Variants in POLRMT observed in about 807,000 individuals in gnomAD.
The protein encoded by POLRMT is DNA-directed RNA polymerase, mitochondrial.
POLRMT carries 114 observed loss-of-function variants against 132.2 expected under a neutral mutation model. The observed-to-expected ratio is 0.86, with a 90% CI of 0.74 to 1.01. The LOEUF (loss-of-function observed/expected upper bound fraction) is 1.01. Among genes scored for constraint, POLRMT ranks in the 50% least tolerant of loss-of-function variants. POLRMT has a pLI of 0.00. For synonymous variants in POLRMT, 1,020 were observed against 773.4 expected (o/e 1.32, Z -5.29); for missense variants, 2,003 against 1,729.1 (o/e 1.16, Z -2.81).
intron 10 of POLRMT, among the ~76,000 whole-genome samples, chr19:620,786 A>C (rs150542741): frequency 0.26 from 6,890 of 26,398 alleles, 403 homozygotes; most frequent in Non-Finnish European, 0.33. Context: ...GATGCAGGGG[A>C]GGGGGGAACG....
Position 630,007 on chromosome 19 carries a change from A to G in POLRMT, c.355T>C (p.Cys119Arg), listed in dbSNP as rs371768191. The G allele has an allele frequency of 6.2e-7, 1 of 1,613,780 alleles. No individual in the cohort carries two copies. The highest frequency in any genetic ancestry group is 8.5e-7 in the Non-Finnish European group (1 of 1,180,004). ...TCCAGTATCTTTGCCCAGCGGCCAC[A>G]GGGCACCGGGGTGGCATCCTTGGCC... is the stretch of plus-strand genomic sequence containing the variant. ...MGAKDATPVP[C>R]GRWAKILEKD... Residue 119 changes from cysteine (C) to arginine (R), a missense_variant, in exon 3 of 21, where the codon TGT becomes CGT. By Grantham distance (180) the Cys-to-Arg change is radical. Transcript: ENST00000588649.
At chr19:622,401 G>C (rs1164124265) in intron 8 of POLRMT, 28 bp from the exon 9 acceptor site, 1 of 1,521,558 alleles carries the variant, frequency 6.6e-7, no homozygotes, top group East Asian at 2.5e-5. Context: ...CAGGGCGCTG[G>C]GCACCGGGGC....
At chr19:626,585 G>A (rs531489665) in intron 3 of POLRMT, among the ~76,000 whole-genome samples, 6 of 123,796 alleles carry the variant, frequency 4.8e-5, no homozygotes, top group Non-Finnish European at 6.4e-5. Context: ...AGGAGTTTAA[G>A]ACCAGCCTGG....
intron 10 of POLRMT, among the ~76,000 whole-genome samples, 166 bp downstream of exon 10, chr19:620,892 A>AGGGGAG: frequency 2.9e-5 from 1 of 34,228 alleles, no homozygotes; most frequent in East Asian, 1.3e-3. Flanking sequence ...TGGGGGCGCC[A>AGGGGAG]GGGGAGGGGG....
At chr19:621,981 C>T (rs559707719) in intron 9 of POLRMT, 135 bp from the exon 10 acceptor site, 1 of 1,240,372 alleles carries the variant, frequency 8.1e-7, no homozygotes, top group Non-Finnish European at 1.1e-6. Flanking sequence ...CAGAAGCCAC[C>T]TCCAGAAACG....
At chr19:623,106 T>G in intron 6 of POLRMT, 121 bp from the exon 7 acceptor site, 1 of 1,277,764 alleles carries the variant, frequency 7.8e-7, no homozygotes, top group Admixed American at 2.6e-5. Flanking sequence ...CTGCTGTGTG[T>G]TCCGGGTAGC....
At chr19:619,138 G>A (rs199672819) in intron 14 of POLRMT, 28 bp from the exon 15 acceptor site, 25 of 1,610,414 alleles carry the variant, frequency 1.6e-5, no homozygotes, top group Admixed American at 3.3e-5. Context: ...TCTCAGGGCA[G>A]GGGGCTCAGG....
chr19:619,411 G>T (rs1043792437), intron 13 of POLRMT, 115 bp from the exon 14 acceptor site: 23 of 1,378,280 alleles, frequency 1.7e-5, no homozygotes, highest in Non-Finnish European at 2.3e-5. Context: ...GGGGGGCAGG[G>T]GAATGGGGCC....
At chr19:623,024 C>G in intron 6 of POLRMT, 39 bp from the exon 7 acceptor site, 1 of 1,601,346 alleles carries the variant, frequency 6.2e-7, no homozygotes, top group Non-Finnish European at 8.5e-7. Flanking sequence ...CCCGTGGCAG[C>G]TGGTGGGACC....
At chr19:626,921 A>G (rs1422607244) in intron 3 of POLRMT, among the ~76,000 whole-genome samples, 1 of 150,548 alleles carries the variant, frequency 6.6e-6, no homozygotes, top group East Asian at 1.9e-4. Context: ...ATATAAAATA[A>G]CATATATATA....
At position 623,417 on chromosome 19, in the gene POLRMT, C is replaced by T. The variant is rs536468844; in HGVS notation, c.1290+37G>A. The T allele has an allele frequency of 4.1e-5, 65 of 1,604,640 alleles. 3 individuals are homozygous for T. Among genetic ancestry groups the T allele is most frequent in the African/African-American group, 3.5e-4 (26 of 74,780 alleles). ...GGTGGACACGCGACCCCGGCTCAGCCCCTGCGGCGGACACGGGACCCCGGC... is the reference window on the plus strand; with the variant it reads ...GGTGGACACGCGACCCCGGCTCAGCTCCTGCGGCGGACACGGGACCCCGGC... On this transcript the variant is annotated intron_variant, in intron 6 of 20. Transcript: ENST00000588649.
In POLRMT at chr19:617,820, T is replaced by C; in HGVS notation, c.3452A>G (p.Asp1151Gly). The C allele has an allele frequency of 1.2e-6, 2 of 1,613,244 alleles. No homozygotes were observed. The highest frequency in any genetic ancestry group is 2.2e-5 in the South Asian group (2 of 91,076). ...ATCAGCTGCGTGAGTCCAGTAACAG[T>C]CGTGCACAGAGACGAAGGTCAGGCC... Reference protein sequence around the residue: ...RKGLTFVSVHDCYWTHAADVS... With the variant: ...RKGLTFVSVHGCYWTHAADVS... The change falls in exon 18 of 21, where the codon GAC becomes GGC. Residue 1151 changes from aspartate to glycine, a missense_variant. Coordinates refer to ENST00000588649, the MANE Select transcript of POLRMT (RefSeq NM_005035.4).
Position 633,497 on chromosome 19 carries a change from A to C in POLRMT, c.16T>G (p.Trp6Gly), listed in dbSNP as rs1231456517. The part of the protein sequence containing the change: MSALC[W>G]GRGAAGLKRA... The stretch of plus-strand genomic sequence containing the variant: ...TTGAGCCCCGCCGCTCCGCGGCCCC[A>C]GCAAAGTGCCGACATTACGCACGCC... The change falls in exon 1 of 21, where the codon TGG (tryptophan) becomes GGG (glycine). Residue 6 changes from tryptophan (W) to glycine (G), a missense_variant. Coordinates refer to ENST00000588649, the MANE Select transcript of POLRMT (RefSeq NM_005035.4). 2 of 1,375,220 alleles carry C rather than the reference A, an allele frequency of 1.5e-6. No homozygotes were observed. Among genetic ancestry groups the C allele is most frequent in the Non-Finnish European group, 2.0e-6 (2 of 1,010,062 alleles). The allele number at this position is 1,375,220 out of a possible 1,614,324, so 85.2% of individuals were successfully genotyped here. A position where few individuals can be genotyped will look rare whatever the true frequency, so the allele number is the denominator to read the frequency against.
Position 622,627 on chromosome 19 carries a change from C to G in POLRMT, c.1581G>C (p.Gln527His), listed in dbSNP as rs757490437. Residue 527 changes from glutamine to histidine, a missense_variant, in exon 8 of 21, where the codon CAG (glutamine) becomes CAC (histidine). Coordinates refer to ENST00000588649, the MANE Select transcript of POLRMT (RefSeq NM_005035.4). ...QRVSGQVQALQNHYRKYLCLL... is the reference protein window; with the variant it reads ...QRVSGQVQALHNHYRKYLCLL... ...AGCAGAGGTACTTCCTGTAGTGGTTCTGCAGCGCCTGCACCTGGCCACTGA... is the reference window on the plus strand; with the variant it reads ...AGCAGAGGTACTTCCTGTAGTGGTTGTGCAGCGCCTGCACCTGGCCACTGA... The G allele has an allele frequency of 1.5e-5, 24 of 1,607,082 alleles. No homozygotes were observed. The highest frequency in any genetic ancestry group is 2.2e-4 in the Middle Eastern group (1 of 4,544).
chr19:621,285 G>A lies in POLRMT; in HGVS notation c.2413C>T (p.Arg805Cys), dbSNP rs561134333. 17 of 1,604,580 alleles carry A rather than the reference G, an allele frequency of 1.1e-5. No homozygotes were observed. The highest frequency in any genetic ancestry group is 1.4e-5 in the Non-Finnish European group (16 of 1,177,516). ...AAGTGCGGCGGGCAGGGGTAGGTGC[G>A]GCCGCGGAAGTCCATGTTGTGCGGC... Reference protein sequence around the residue: ...WLPHNMDFRGRTYPCPPHFNH... With the variant: ...WLPHNMDFRGCTYPCPPHFNH... Residue 805 changes from arginine (R) to cysteine (C), a missense_variant, in exon 10 of 21, where the codon CGC becomes TGC. Transcript: ENST00000588649.
rs764005399 is a variant in POLRMT at position 619,655 on chromosome 19, G to A, written c.2997C>T (p.Tyr999=). The A allele has an allele frequency of 1.7e-5, 27 of 1,610,718 alleles. No individual in the cohort carries two copies. The Middle Eastern group carries it at 6.7e-4, about 40-fold the overall frequency. ...VVKQTVMTVV[Y]GVTRYGGRLQ... Reference sequence around the variant, plus strand: ...GGCGCCCGCCATAGCGCGTGACCCCGTACACCACCGTCATCACCGTCTGCT... The same window carrying A: ...GGCGCCCGCCATAGCGCGTGACCCCATACACCACCGTCATCACCGTCTGCT... The change falls in exon 13 of 21, where the codon TAC becomes TAT. Residue 999 remains tyrosine, a synonymous_variant. Coordinates refer to ENST00000588649, the MANE Select transcript of POLRMT (RefSeq NM_005035.4).
At position 619,009 on chromosome 19, in the gene POLRMT, G is replaced by A. The variant is rs1004459739; in HGVS notation, c.3255C>T (p.Asp1085=). ...GTGGTACACTGACCTTGACCTTGGA[G>A]TCCAGGCGATAGGGCTGGATGACGG... The part of the protein sequence containing the change: ...GVPVIQPYRL[D]SKVKQIGGGI... Residue 1085 remains aspartate (D), a synonymous_variant, in exon 15 of 21, where the codon GAC becomes GAT. Coordinates refer to ENST00000588649, the MANE Select transcript of POLRMT (RefSeq NM_005035.4). 4 of 1,586,544 alleles carry A rather than the reference G, an allele frequency of 2.5e-6. No individual in the cohort carries two copies. In the African/African-American group the frequency reaches 4.1e-5, roughly 16 times the overall value.
rs1231779390 is a variant in POLRMT at position 622,899 on chromosome 19, C to G, written c.1377G>C (p.Glu459Asp). The change falls in exon 7 of 21, where the codon GAG becomes GAC. Residue 459 changes from glutamate (E) to aspartate (D), a missense_variant. Coordinates refer to ENST00000588649, the MANE Select transcript of POLRMT (RefSeq NM_005035.4). ...LRETKNRLER[E>D]VYEGRFSLYP... ...AAAGTGAGAACCGGCCCTCGTACAC[C>G]TCGCGCTCTAGGCGGTTCTTGGTCT... The G allele has an allele frequency of 6.2e-7, 1 of 1,612,350 alleles. No homozygotes were observed. Among genetic ancestry groups the G allele is most frequent in the South Asian group, 1.1e-5 (1 of 90,844 alleles).
intron 3 of POLRMT, among the ~76,000 whole-genome samples, chr19:626,898 C>CATATATATAT (rs113561619): frequency 2.0e-5 from 3 of 146,702 alleles, no homozygotes; most frequent in African/African-American, 7.6e-5. Flanking sequence ...CACACACACA[C>CATATATATAT]ATATATATAT....
Sources: allele counts gnomAD v4.1 joint callset (sites outside exome capture counted in the v4.1 genomes callset), GRCh38; gene constraint gnomAD v4.1.1; transcripts MANE v1.5; gene names NCBI Gene and HGNC (gene_info 2026-07-23, HGNC 2026-07-21).